SPAG16: variants seen among roughly 807,000 people sequenced by gnomAD.
SPAG16 encodes sperm-associated antigen 16 protein.
A neutral mutation model predicts 80.4 loss-of-function variants in SPAG16; 86 were observed. That is an observed-to-expected ratio of 1.07 (90% confidence interval 0.90 to 1.28). SPAG16 has a LOEUF of 1.28. Among genes scored for constraint, SPAG16 ranks in the 50% most tolerant of loss-of-function variants. The pLI, the probability that SPAG16 is intolerant of heterozygous loss-of-function variation, is 0.00. For missense variants in SPAG16, 870 were observed against 765.3 expected, an observed-to-expected ratio of 1.14 and a Z score of -1.61; for synonymous variants, 294 against 265.9, an observed-to-expected ratio of 1.11 and a Z score of -1.03.
At chr2:214,361,041 C>A (rs572990265) in intron 15 of SPAG16, among the ~76,000 whole-genome samples, 2 of 151,900 alleles carry the variant, frequency 1.3e-5, no homozygotes, top group East Asian at 1.9e-4. Context: ...TCATGAATTT[C>A]TTTCAGTTAA....
intron 15 of SPAG16, among the ~76,000 whole-genome samples, chr2:214,210,599 G>A (rs1004268554): frequency 5.3e-5 from 8 of 151,878 alleles, no homozygotes; most frequent in South Asian, 2.1e-4. Context: ...TTGAATAAAT[G>A]TTAACATATT....
chr2:213,915,049 G>A (rs1306732933), intron 11 of SPAG16, among the ~76,000 whole-genome samples: 2 of 152,088 alleles, frequency 1.3e-5, no homozygotes, highest in Non-Finnish European at 2.9e-5. Context: ...CATAATCACG[G>A]CAGAAGGTGA....
chr2:214,227,033 A>C (rs1279216497), intron 15 of SPAG16, among the ~76,000 whole-genome samples: 1 of 152,130 alleles, frequency 6.6e-6, no homozygotes, highest in African/African-American at 2.4e-5. Flanking sequence ...CTAGCACACT[A>C]GTCCAGAAAA....
intron 11 of SPAG16, among the ~76,000 whole-genome samples, chr2:213,928,955 A>G (rs2106240318): frequency 7.2e-6 from 1 of 138,752 alleles, no homozygotes; most frequent in East Asian, 2.2e-4. Flanking sequence ...AACCAACTAG[A>G]TGTTTCTGTT....
intron 10 of SPAG16, among the ~76,000 whole-genome samples, chr2:213,807,362 T>A (rs2071832955): frequency 1.3e-5 from 2 of 152,094 alleles, no homozygotes; most frequent in Admixed American, 6.6e-5. Context: ...AACATTTCCC[T>A]ACATAGTGCC....
At chr2:213,942,635 A>G (rs1442055088) in intron 12 of SPAG16, among the ~76,000 whole-genome samples, 3 of 152,106 alleles carry the variant, frequency 2.0e-5, no homozygotes, top group African/African-American at 7.2e-5. Flanking sequence ...GTGATATCTT[A>G]TTTTCCACAT....
At chr2:214,040,049 G>A (rs1010338381) in intron 13 of SPAG16, among the ~76,000 whole-genome samples, 18 of 152,128 alleles carry the variant, frequency 1.2e-4, no homozygotes, top group African/African-American at 1.7e-4. Flanking sequence ...GCCAATGGTC[G>A]TCAGACATGG....
intron 12 of SPAG16, among the ~76,000 whole-genome samples, chr2:213,967,222 C>A (rs1356973643): frequency 2.0e-5 from 3 of 152,172 alleles, no homozygotes; most frequent in Admixed American, 2.0e-4. Flanking sequence ...CACTATTTCA[C>A]CTTAAATTGT....
intron 10 of SPAG16, among the ~76,000 whole-genome samples, chr2:213,555,356 C>T (rs2059394185): frequency 2.0e-5 from 3 of 152,154 alleles, no homozygotes; most frequent in African/African-American, 7.2e-5. Context: ...TTCCGACACA[C>T]TGTTCTCATG....
At chr2:214,173,834 C>A (rs1180499287) in intron 15 of SPAG16, among the ~76,000 whole-genome samples, 1 of 152,032 alleles carries the variant, frequency 6.6e-6, no homozygotes, top group Non-Finnish European at 1.5e-5. Flanking sequence ...CAGTAAAATA[C>A]TGGCAAGCCG....
At chr2:214,047,455 T>C (rs1249615385) in intron 13 of SPAG16, among the ~76,000 whole-genome samples, 1 of 152,120 alleles carries the variant, frequency 6.6e-6, no homozygotes, top group East Asian at 1.9e-4. Context: ...AAAATATCTT[T>C]TCAATAAATG....
chr2:214,033,113 G>A (rs2048505121), intron 13 of SPAG16, among the ~76,000 whole-genome samples: 1 of 152,120 alleles, frequency 6.6e-6, no homozygotes, highest in South Asian at 2.1e-4. Context: ...TCAAAGCAGA[G>A]GGAACCAAAT....
intron 10 of SPAG16, among the ~76,000 whole-genome samples, chr2:213,803,023 GT>G (rs1245281677): frequency 2.6e-4 from 39 of 148,544 alleles, no homozygotes; most frequent in African/African-American, 4.9e-4. Flanking sequence ...ATCTTTTGGA[GT>G]TTTTTTTTTG....
At chr2:213,709,920 G>A (rs1039263492) in intron 10 of SPAG16, among the ~76,000 whole-genome samples, 1 of 152,122 alleles carries the variant, frequency 6.6e-6, no homozygotes, top group African/African-American at 2.4e-5. Flanking sequence ...ATTATAGTTT[G>A]TGTATTTTGC....
rs1279853014 is a variant in SPAG16 at position 213,717,862 on chromosome 2, GT to G, written c.1071-144619del. Among the ~76,000 whole-genome samples, 3 of 152,166 alleles carry G rather than the reference GT, an allele frequency of 2.0e-5. No homozygotes were observed. In the South Asian group the frequency reaches 6.2e-4, roughly 32 times the overall value. On this transcript the variant is annotated intron_variant, in intron 10 of 15. Coordinates refer to ENST00000331683, the MANE Select transcript of SPAG16 (RefSeq NM_024532.5). Reference sequence around the variant, plus strand: ...CTTACTTTCCATTTTACAAAATGGGGTTTTAAACATAAGACCCAAAACCATA... The same window carrying G: ...CTTACTTTCCATTTTACAAAATGGGGTTTAAACATAAGACCCAAAACCATA...
At chr2:213,462,291 A>T (rs930291902) in intron 9 of SPAG16, among the ~76,000 whole-genome samples, 1 of 152,216 alleles carries the variant, frequency 6.6e-6, no homozygotes, top group Non-Finnish European at 1.5e-5. Flanking sequence ...ATATGGAGTT[A>T]ATTTCAGCTG....
At chr2:213,469,363 G>A (rs763880949) in intron 9 of SPAG16, among the ~76,000 whole-genome samples, 3 of 152,042 alleles carry the variant, frequency 2.0e-5, no homozygotes, top group Non-Finnish European at 4.4e-5. Context: ...TCACATGATA[G>A]AGGGGAAAGG....
At chr2:213,297,095 G>C (rs1252546565) in intron 2 of SPAG16, 167 bp from the exon 3 acceptor site, 1 of 1,466,576 alleles carries the variant, frequency 6.8e-7, no homozygotes. Context: ...AAGGAAGTCA[G>C]AAGAAAGCAG....
intron 9 of SPAG16, among the ~76,000 whole-genome samples, chr2:213,401,473 G>A (rs2068305714): frequency 6.6e-6 from 1 of 152,170 alleles, no homozygotes; most frequent in Non-Finnish European, 1.5e-5. Context: ...AAGAACTGGT[G>A]ATCTTGGATT....
Sources: gnomAD v4.1 joint callset for allele counts (sites outside exome capture counted in the v4.1 genomes callset) on GRCh38, gnomAD v4.1.1 for gene constraint, MANE v1.5 for transcripts, NCBI Gene and HGNC (gene_info 2026-07-23, HGNC 2026-07-21) for gene names.